CNTNAP2: variants seen among roughly 807,000 people sequenced by gnomAD.
CNTNAP2 encodes contactin associated protein 2.
CNTNAP2 carries 98 observed loss-of-function variants against 155.2 expected under a neutral mutation model. That is an observed-to-expected ratio of 0.63 (90% CI 0.54 to 0.75). The LOEUF (loss-of-function observed/expected upper bound fraction) is 0.75, where lower values mean the gene tolerates loss of function less well. Among genes scored for constraint, CNTNAP2 ranks in the 30% least tolerant of loss-of-function variants. CNTNAP2 has a pLI of 0.00. For synonymous variants in CNTNAP2, 651 were observed against 631.2 expected (o/e 1.03, Z -0.47); for missense variants, 1,727 against 1,688.1 (o/e 1.02, Z -0.40).
Position 146,583,595 on chromosome 7 carries a change from G to A in CNTNAP2, c.98-190676G>A, listed in dbSNP as rs564694680. ...TGTAAGAAACTCAGAACAAGAGATC[G>A]CTTATAAAATAATTGAAAAAATACA... On this transcript the variant is annotated intron_variant, in intron 1 of 23. Coordinates refer to ENST00000361727, the MANE Select transcript of CNTNAP2 (RefSeq NM_014141.6). Among the ~76,000 whole-genome samples, 135 of 152,164 alleles carry A rather than the reference G, an allele frequency of 8.9e-4. 1 individual carries two copies. The highest frequency in any genetic ancestry group is 3.0e-3 in the African/African-American group (125 of 41,520).
chr7:146,832,466 A>C (rs190953075), intron 2 of CNTNAP2, among the ~76,000 whole-genome samples: 2 of 149,084 alleles, frequency 1.3e-5, no homozygotes. Flanking sequence ...ATATACATTA[A>C]CATATATATT....
chr7:146,661,793 T>G (rs540072456), intron 1 of CNTNAP2, among the ~76,000 whole-genome samples: 1 of 151,500 alleles, frequency 6.6e-6, no homozygotes, highest in Non-Finnish European at 1.5e-5. Flanking sequence ...TGTAGGCACA[T>G]GTATTCATTA....
intron 21 of CNTNAP2, among the ~76,000 whole-genome samples, chr7:148,369,500 T>C (rs1253966354): frequency 1.3e-5 from 2 of 152,010 alleles, no homozygotes; most frequent in African/African-American, 4.8e-5. Context: ...AGTGCTGGGA[T>C]TACCAACATA....
chr7:146,899,830 T>C (rs535298934), intron 3 of CNTNAP2, among the ~76,000 whole-genome samples: 1 of 152,282 alleles, frequency 6.6e-6, no homozygotes, highest in South Asian at 2.1e-4. Context: ...AACAAGTGCT[T>C]AGCAAACTGC....
intron 1 of CNTNAP2, among the ~76,000 whole-genome samples, chr7:146,479,487 A>G (rs567786528): frequency 5.3e-5 from 8 of 152,180 alleles, no homozygotes; most frequent in South Asian, 2.1e-4. Flanking sequence ...AATTTAAAAC[A>G]GTTGCTTTAT....
intron 2 of CNTNAP2, among the ~76,000 whole-genome samples, chr7:146,776,115 G>T (rs1435089409): frequency 6.6e-6 from 1 of 151,982 alleles, no homozygotes; most frequent in Non-Finnish European, 1.5e-5. Context: ...CAAGGGACTG[G>T]CCATACCCAA....
chr7:146,980,121 T>C (rs1400901708), intron 3 of CNTNAP2, among the ~76,000 whole-genome samples: 1 of 151,892 alleles, frequency 6.6e-6, no homozygotes, highest in Non-Finnish European at 1.5e-5. Flanking sequence ...TTTTGGAGGA[T>C]ATGAACAGGC....
chr7:146,937,127 C>A (rs544154566), intron 3 of CNTNAP2, among the ~76,000 whole-genome samples: 4 of 152,086 alleles, frequency 2.6e-5, no homozygotes, highest in Admixed American at 2.6e-4. Flanking sequence ...GTGGCTCATG[C>A]CTGTAATCTC....
At chr7:146,134,620 A>C (rs1797769969) in intron 1 of CNTNAP2, among the ~76,000 whole-genome samples, 1 of 150,452 alleles carries the variant, frequency 6.6e-6, no homozygotes, top group Non-Finnish European at 1.5e-5. Context: ...TTTAGCATGA[A>C]GTGTTGTTGA....
rs187600950 is a variant in CNTNAP2 at position 146,288,231 on chromosome 7, G to A, written c.97+171258G>A. Among the ~76,000 whole-genome samples, 34 of 150,642 alleles carry A rather than the reference G, an allele frequency of 2.3e-4. 1 individual carries two copies. The East Asian group carries it at 6.1e-3, about 27-fold the overall frequency. On this transcript the variant is annotated intron_variant, in intron 1 of 23. Coordinates refer to ENST00000361727, the MANE Select transcript of CNTNAP2 (RefSeq NM_014141.6). ...GAGGATTGCTTGGACCTGGGAGGCCGAGGCTACAGTGAGCTGTGACTGAGC... is the reference window on the plus strand; with the variant it reads ...GAGGATTGCTTGGACCTGGGAGGCCAAGGCTACAGTGAGCTGTGACTGAGC...
intron 11 of CNTNAP2, among the ~76,000 whole-genome samples, chr7:147,507,019 A>T (rs1455684250): frequency 6.6e-6 from 1 of 152,188 alleles, no homozygotes; most frequent in African/African-American, 2.4e-5. Context: ...AAAGAAAAAA[A>T]TAAAACAATT....
chr7:147,851,772 AG>A (rs1397253934), intron 13 of CNTNAP2, among the ~76,000 whole-genome samples: 8 of 108,750 alleles, frequency 7.4e-5, no homozygotes, highest in Non-Finnish European at 1.5e-4. Flanking sequence ...GGGTGGGGGG[AG>A]GGGGGAAGGA....
At position 146,419,054 on chromosome 7, in the gene CNTNAP2, G is replaced by A. The variant is rs188843923; in HGVS notation, c.97+302081G>A. 5.3e-3 allele frequency among the ~76,000 whole-genome samples: 803 copies of A among 152,120 alleles called. 10 individuals are homozygous for A. The highest frequency in any genetic ancestry group is 0.018 in the African/African-American group (765 of 41,494). ...TGATAAAGTCATACCTGAGATTGGGGTATGCCTTTATTTTTCTATAAAGAA... is the reference window on the plus strand; with the variant it reads ...TGATAAAGTCATACCTGAGATTGGGATATGCCTTTATTTTTCTATAAAGAA... On this transcript the variant is annotated intron_variant, in intron 1 of 23. Coordinates refer to ENST00000361727, the MANE Select transcript of CNTNAP2 (RefSeq NM_014141.6).
intron 1 of CNTNAP2, among the ~76,000 whole-genome samples, chr7:146,366,142 T>A (rs1251106484): frequency 6.6e-6 from 1 of 152,148 alleles, no homozygotes; most frequent in East Asian, 1.9e-4. Flanking sequence ...ATTTGCATAC[T>A]GATGGTGATT....
intron 17 of CNTNAP2, among the ~76,000 whole-genome samples, chr7:148,167,459 T>C (rs1202070633): frequency 6.6e-6 from 1 of 150,932 alleles, no homozygotes; most frequent in Non-Finnish European, 1.5e-5. Flanking sequence ...AAATACAAAC[T>C]AGACTACAGT....
At chr7:146,661,712 T>TTTTC (rs1021323859) in intron 1 of CNTNAP2, among the ~76,000 whole-genome samples, 53 of 128,722 alleles carry the variant, frequency 4.1e-4, no homozygotes, top group African/African-American at 1.4e-3. Flanking sequence ...GAGTTTTTCT[T>TTTTC]TTTCTTTCTT....
intron 22 of CNTNAP2, among the ~76,000 whole-genome samples, chr7:148,399,153 G>A (rs1290436810): frequency 6.6e-6 from 1 of 152,152 alleles, no homozygotes; most frequent in Admixed American, 6.5e-5. Flanking sequence ...AGTCACCGAG[G>A]CTGTCTGACA....
At chr7:147,276,341 T>C (rs1006242493) in intron 8 of CNTNAP2, among the ~76,000 whole-genome samples, 4 of 151,974 alleles carry the variant, frequency 2.6e-5, no homozygotes, top group Non-Finnish European at 4.4e-5. Context: ...TGGAAGATTT[T>C]TTGTTACTGA....
At chr7:146,651,184 A>AT (rs1300865644) in intron 1 of CNTNAP2, among the ~76,000 whole-genome samples, 2 of 152,072 alleles carry the variant, frequency 1.3e-5, no homozygotes, top group Non-Finnish European at 2.9e-5. Context: ...AAAATTGCGT[A>AT]TTTTTTTAGA....
Sources: gnomAD v4.1 joint callset for allele counts (sites outside exome capture counted in the v4.1 genomes callset) on GRCh38, gnomAD v4.1.1 for gene constraint, MANE v1.5 for transcripts, NCBI Gene and HGNC (gene_info 2026-07-23, HGNC 2026-07-21) for gene names.